Variants in C11orf65 observed in about 807,000 individuals in gnomAD.
C11orf65 encodes chromosome 11 open reading frame 65, also known as protein MFI.
Under a neutral mutation model 35.3 loss-of-function variants are expected in C11orf65, and 38 were observed. That is an observed-to-expected ratio of 1.08 (90% CI 0.83 to 1.41). The LOEUF is 1.41. Among genes scored for constraint, C11orf65 ranks in the 40% most tolerant of loss-of-function variants. The pLI is 0.00. For missense variants in C11orf65, 370 were observed against 367.1 expected (o/e 1.01, Z -0.06); for synonymous variants, 105 against 114.4 (o/e 0.92, Z 0.53).
chr11:108,408,257 T>A (rs1374150572), intron 3 of C11orf65, among the ~76,000 whole-genome samples: 1 of 152,024 alleles, frequency 6.6e-6, no homozygotes, highest in Non-Finnish European at 1.5e-5. Flanking sequence ...AAATAACTCC[T>A]CAAATATTAC....
chr11:108,353,974 A>G (rs2089545096), intron 2 of C11orf65: 2 of 1,179,206 alleles, frequency 1.7e-6, no homozygotes, highest in Admixed American at 3.5e-5. Flanking sequence ...CCAGCTGCTC[A>G]AGAGGCTGAA....
chr11:108,455,060 A>G (rs889239413), intron 2 of C11orf65, among the ~76,000 whole-genome samples: 1 of 152,114 alleles, frequency 6.6e-6, no homozygotes, highest in African/African-American at 2.4e-5. Flanking sequence ...ACGTTTTGGT[A>G]TGTTGTGTCT....
intron 6 of C11orf65, among the ~76,000 whole-genome samples, chr11:108,310,854 A>G (rs1326317255): frequency 2.0e-5 from 3 of 152,332 alleles, no homozygotes; most frequent in Non-Finnish European, 4.4e-5. Flanking sequence ...CTGAGTTAGA[A>G]CTGTCATAAG....
At chr11:108,387,857 G>A (rs936576502) in intron 7 of C11orf65, among the ~76,000 whole-genome samples, 3 of 152,164 alleles carry the variant, frequency 2.0e-5, no homozygotes, top group Admixed American at 6.5e-5. Context: ...ACAATCAGAC[G>A]TTGTGTCTGA....
intron 6 of C11orf65, among the ~76,000 whole-genome samples, chr11:108,403,892 G>A (rs1166041340): frequency 1.3e-5 from 2 of 152,148 alleles, no homozygotes; most frequent in African/African-American, 2.4e-5. Context: ...GTGGCTGGGG[G>A]GAAAGGCTGA....
At chr11:108,379,559 T>C (rs1307219207), downstream of C11orf65, among the ~76,000 whole-genome samples, 6 of 151,884 alleles carry the variant, frequency 4.0e-5, no homozygotes, top group African/African-American at 1.2e-4. Flanking sequence ...CACACCAGCA[T>C]GGCACATGTA....
intron 3 of C11orf65, among the ~76,000 whole-genome samples, chr11:108,424,591 T>C (rs899007515): frequency 6.6e-6 from 1 of 152,084 alleles, no homozygotes; most frequent in East Asian, 1.9e-4. Flanking sequence ...CTGTCAACAT[T>C]AGACAGATCA....
intron 6 of C11orf65, among the ~76,000 whole-genome samples, chr11:108,319,052 C>CT (rs1356123906): frequency 6.6e-6 from 1 of 151,946 alleles, no homozygotes; most frequent in Non-Finnish European, 1.5e-5. Flanking sequence ...TAGCATGCAT[C>CT]TGTAGTCCCA....
downstream of C11orf65, among the ~76,000 whole-genome samples, chr11:108,381,480 G>C (rs76239575): frequency 6.6e-6 from 1 of 152,192 alleles, no homozygotes; most frequent in Non-Finnish European, 1.5e-5. Context: ...AAATTCTGAA[G>C]TACATTCTGT....
intron 3 of C11orf65, among the ~76,000 whole-genome samples, chr11:108,421,230 T>C (rs971958281): frequency 2.6e-4 from 40 of 152,202 alleles, no homozygotes; most frequent in African/African-American, 9.2e-4. Flanking sequence ...CTGCTGTCTA[T>C]TGCCTGAGGT....
rs587782719 is a variant in C11orf65 at position 108,335,080 on chromosome 11, G to C, written c.299+140C>G. 2 of 1,614,116 alleles carry C rather than the reference G, an allele frequency of 1.2e-6. No individual in the cohort carries two copies. The highest frequency in any genetic ancestry group is 1.7e-6 in the Non-Finnish European group (2 of 1,179,996). ...AAAAATAATAGATTGTGTAGGTTCC[G>C]ATGGCAAGGAGAGGAGACAGCTTGT... On this transcript the variant is annotated intron_variant, in intron 3 of 3. Transcript: ENST00000524755.
At chr11:108,311,957 A>G in intron 6 of C11orf65, among the ~76,000 whole-genome samples, 1 of 152,188 alleles carries the variant, frequency 6.6e-6, no homozygotes, top group East Asian at 1.9e-4. Context: ...TCTTGGTTTA[A>G]GTGGATCCTA....
chr11:108,446,090 T>C (rs1454923948), intron 2 of C11orf65, among the ~76,000 whole-genome samples: 1 of 151,976 alleles, frequency 6.6e-6, no homozygotes, highest in South Asian at 2.1e-4. Context: ...GAAAAAAGAA[T>C]AAAAAGAAAC....
intron 2 of C11orf65, among the ~76,000 whole-genome samples, chr11:108,352,873 T>A (rs2089380019): frequency 6.6e-6 from 1 of 152,046 alleles, no homozygotes; most frequent in Non-Finnish European, 1.5e-5. Context: ...AATGACAAAA[T>A]TATAAAAATG....
At chr11:108,451,876 G>C (rs1479817214) in intron 2 of C11orf65, among the ~76,000 whole-genome samples, 1 of 152,156 alleles carries the variant, frequency 6.6e-6, no homozygotes. Context: ...TCTGATCTTT[G>C]ACAAACCTGA....
At position 108,312,561 on chromosome 11, in the gene C11orf65, A is replaced by G. The variant is rs1421806703; in HGVS notation, c.641-3490T>C. On this transcript the variant is annotated intron_variant, in intron 6 of 6. Transcript: ENST00000525729. The stretch of plus-strand genomic sequence containing the variant: ...ATCTCATACTTTGGGTTATTTTGTT[A>G]TAGACACTGTACAGATGCCATGTGA... 20 of 1,194,788 alleles carry G rather than the reference A, an allele frequency of 1.7e-5. No homozygotes were observed. In the Admixed American group the frequency reaches 3.4e-4, roughly 20 times the overall value. 74.0% of individuals were successfully genotyped at this position (1,194,788 alleles called of 1,614,324 possible). A position where few individuals can be genotyped will look rare whatever the true frequency, so the allele number is the denominator to read the frequency against.
intron 6 of C11orf65, among the ~76,000 whole-genome samples, chr11:108,395,393 C>T (rs572516918): frequency 4.6e-5 from 7 of 150,954 alleles, no homozygotes; most frequent in African/African-American, 1.2e-4. Context: ...GATGTGATCT[C>T]GGCTCACTGC....
In C11orf65 at chr11:108,334,006, A is replaced by T. The variant is rs1001002327; in HGVS notation, c.299+1214T>A. The T allele has an allele frequency of 7.2e-5, 107 of 1,487,480 alleles. No homozygotes were observed. The Admixed American group carries it at 1.5e-3, about 21-fold the overall frequency. The allele number at this position is 1,487,480 out of a possible 1,614,324, so 92.1% of individuals were successfully genotyped here. On this transcript the variant is annotated intron_variant, in intron 3 of 3. Transcript: ENST00000524755. ...TAACTCTTGATTTTTTTTAAACTAA[A>T]TTTTTTTTATTAGATTGAACCATTT...
intron 3 of C11orf65, among the ~76,000 whole-genome samples, chr11:108,408,813 C>G (rs974256169): frequency 6.6e-6 from 1 of 151,278 alleles, no homozygotes; most frequent in African/African-American, 2.4e-5. Context: ...GAAAAAAATT[C>G]TTGGTCCTTT....
Sources: allele counts gnomAD v4.1 joint callset (sites outside exome capture counted in the v4.1 genomes callset), GRCh38; gene constraint gnomAD v4.1.1; transcripts MANE v1.5; gene names NCBI Gene and HGNC (gene_info 2026-07-23, HGNC 2026-07-21).